ALDH1A1: variants seen among roughly 807,000 people sequenced by gnomAD.
ALDH1A1 encodes aldehyde dehydrogenase 1 family member A1.
ALDH1A1 carries 19 observed loss-of-function variants against 62.1 expected under a neutral mutation model. That is an observed-to-expected ratio of 0.31 (90% CI 0.21 to 0.45). The LOEUF (loss-of-function observed/expected upper bound fraction) is 0.45, where lower values mean the gene tolerates loss of function less well. Among genes scored for constraint, ALDH1A1 ranks in the 20% least tolerant of loss-of-function variants. The probability of loss-of-function intolerance (pLI) is 1.00; values close to 1 mark genes in which losing one functional copy is unlikely to be tolerated. For missense variants in ALDH1A1, 521 were observed against 607.1 expected (o/e 0.86, Z 1.49); for synonymous variants, 231 against 215.9 (o/e 1.07, Z -0.61).
intron 11 of ALDH1A1, among the ~76,000 whole-genome samples, chr9:72,908,955 C>A (rs348474): frequency 1.3e-5 from 2 of 152,144 alleles, no homozygotes; most frequent in East Asian, 1.9e-4. Flanking sequence ...ATAAGAATAT[C>A]TGCATACACA....
In ALDH1A1 at chr9:72,928,986, G is replaced by A. The variant is rs770673688; in HGVS notation, c.348C>T (p.Ser116=). The change falls in exon 4 of 13, where the codon TCC becomes TCT. Residue 116 remains serine, a synonymous_variant. Coordinates refer to ENST00000297785, the MANE Select transcript of ALDH1A1 (RefSeq NM_000689.5). ...CTGCTAAATCATTCAGATATGCATT[G>A]GAATAGAGTTTTCCACCATTCATTG... ...MESMNGGKLY[S]NAYLNDLAGC... 6.2e-7 allele frequency: 1 copy of A among 1,613,750 alleles called. No individual in the cohort carries two copies. Among genetic ancestry groups the A allele is most frequent in the Non-Finnish European group, 8.5e-7 (1 of 1,179,834 alleles).
intron 2 of ALDH1A1, among the ~76,000 whole-genome samples, chr9:72,936,595 T>C (rs1480004171): frequency 6.7e-6 from 1 of 149,182 alleles, no homozygotes; most frequent in Non-Finnish European, 1.5e-5. Context: ...CTGAAGTCTC[T>C]GATAAAAGGC....
intron 1 of ALDH1A1, among the ~76,000 whole-genome samples, chr9:72,943,304 G>T (rs1015497997): frequency 5.9e-5 from 9 of 152,096 alleles, no homozygotes; most frequent in African/African-American, 2.2e-4. Flanking sequence ...GTGGTTTCAA[G>T]TTCTCAATAA....
intron 9 of ALDH1A1, among the ~76,000 whole-genome samples, chr9:72,912,988 T>C (rs1237638003): frequency 6.6e-6 from 1 of 152,096 alleles, no homozygotes; most frequent in Admixed American, 6.6e-5. Flanking sequence ...GGGCTGCCTA[T>C]CTCAGGTGTA....
intron 3 of ALDH1A1, among the ~76,000 whole-genome samples, chr9:72,929,397 G>C (rs187073448): frequency 1.3e-5 from 2 of 152,094 alleles, no homozygotes; most frequent in East Asian, 3.9e-4. Context: ...ATCAACTGTG[G>C]GTGACAACTT....
chr9:72,929,507 G>T (rs752984062), intron 3 of ALDH1A1, among the ~76,000 whole-genome samples: 20 of 152,234 alleles, frequency 1.3e-4, no homozygotes, highest in Non-Finnish European at 2.5e-4. Context: ...GTAATGCCTG[G>T]ATTTTTCATC....
chr9:72,940,226 A>T lies in ALDH1A1; in HGVS notation c.93T>A (p.Asp31Glu), dbSNP rs1394391623. The part of the protein sequence containing the change: ...TKIFINNEWH[D>E]SVSGKKFPVF... ...CAGGAAATTTCTTGCCACTCACTGA[A>T]TCATGCCATTCATTGTTTATGAAGA... Residue 31 changes from aspartate to glutamate, a missense_variant, in exon 2 of 13, where the codon GAT becomes GAA. Physicochemically the swap from Asp to Glu is conservative, Grantham distance 45. Coordinates refer to ENST00000297785, the MANE Select transcript of ALDH1A1 (RefSeq NM_000689.5). 1 of 1,613,516 alleles carries T rather than the reference A, an allele frequency of 6.2e-7. No homozygotes were observed. The highest frequency in any genetic ancestry group is 8.5e-7 in the Non-Finnish European group (1 of 1,179,664).
intron 9 of ALDH1A1, among the ~76,000 whole-genome samples, chr9:72,913,104 G>C (rs1830012316): frequency 6.6e-6 from 1 of 152,046 alleles, no homozygotes; most frequent in Non-Finnish European, 1.5e-5. Context: ...AAAGTTTTAT[G>C]TTTCACTTTC....
At chr9:72,916,468 C>T (rs757841382) in intron 9 of ALDH1A1, among the ~76,000 whole-genome samples, 11 of 152,150 alleles carry the variant, frequency 7.2e-5, no homozygotes, top group Middle Eastern at 3.4e-3. Context: ...CCCCATGCTA[C>T]GATTAGGGGG....
intron 2 of ALDH1A1, among the ~76,000 whole-genome samples, chr9:72,939,719 T>C (rs943505325): frequency 3.9e-5 from 6 of 152,032 alleles, no homozygotes; most frequent in African/African-American, 1.4e-4. Flanking sequence ...TGTTTCCCCA[T>C]GTTGGCCAGG....
intron 1 of ALDH1A1, among the ~76,000 whole-genome samples, chr9:72,949,678 T>A (rs1490573186): frequency 6.6e-6 from 1 of 151,444 alleles, no homozygotes; most frequent in Non-Finnish European, 1.5e-5. Flanking sequence ...TGTGTGTGTG[T>A]GTGTGTATGT....
chr9:72,904,069 A>G (rs1465504410), intron 12 of ALDH1A1, among the ~76,000 whole-genome samples: 1 of 152,104 alleles, frequency 6.6e-6, no homozygotes, highest in African/African-American at 2.4e-5. Flanking sequence ...TAACTCCCAC[A>G]AGAACTCTCA....
chr9:72,903,870 C>G (rs1252682817), intron 12 of ALDH1A1, among the ~76,000 whole-genome samples: 1 of 152,000 alleles, frequency 6.6e-6, no homozygotes, highest in African/African-American at 2.4e-5. Context: ...ATAACCAGGC[C>G]AGAAACGAAC....
intron 2 of ALDH1A1, among the ~76,000 whole-genome samples, chr9:72,936,171 C>G (rs113227945): frequency 2.6e-5 from 4 of 152,242 alleles, no homozygotes; most frequent in African/African-American, 7.2e-5. Flanking sequence ...TCAAGAAGCA[C>G]AGAGCAAATC....
At position 72,906,116 on chromosome 9, in the gene ALDH1A1, G is replaced by T. The variant is rs1297909448; in HGVS notation, c.1359-84C>A. On this transcript the variant is annotated intron_variant, in intron 11 of 12. Transcript: ENST00000297785. ...TTTGGCAGTTTTAGAAATTTGGAAA[G>T]CTCCTTACAAACTCCATTAATTTCA... 15 of 967,614 alleles carry T rather than the reference G, an allele frequency of 1.6e-5. 1 individual carries two copies. Among genetic ancestry groups the T allele is most frequent in the Non-Finnish European group, 2.2e-5 (14 of 641,482 alleles). The allele number at this position is 967,614 out of a possible 1,614,324, so 59.9% of individuals were successfully genotyped here.
chr9:72,914,599 T>C (rs1830036989), intron 9 of ALDH1A1, among the ~76,000 whole-genome samples: 1 of 152,164 alleles, frequency 6.6e-6, no homozygotes, highest in Non-Finnish European at 1.5e-5. Flanking sequence ...TATCACAATT[T>C]CTGTTTCAAA....
chr9:72,942,840 T>G (rs937003115), intron 1 of ALDH1A1, among the ~76,000 whole-genome samples: 1 of 152,138 alleles, frequency 6.6e-6, no homozygotes, highest in African/African-American at 2.4e-5. Flanking sequence ...CTCATGAAGA[T>G]TTGACTAGTT....
At chr9:72,928,795 G>T in intron 4 of ALDH1A1, 97 bp downstream of exon 4, 1 of 1,330,550 alleles carries the variant, frequency 7.5e-7, no homozygotes. Flanking sequence ...GCCTTATTTG[G>T]TTGACATCTT....
chr9:72,913,814 C>A (rs1161338388), intron 9 of ALDH1A1, among the ~76,000 whole-genome samples: 4 of 152,200 alleles, frequency 2.6e-5, no homozygotes, highest in African/African-American at 9.6e-5. Context: ...GCTTCTTTGA[C>A]CCCACCTCAG....
Sources: allele counts gnomAD v4.1 joint callset (sites outside exome capture counted in the v4.1 genomes callset), GRCh38; gene constraint gnomAD v4.1.1; transcripts MANE v1.5; gene names NCBI Gene and HGNC (gene_info 2026-07-23, HGNC 2026-07-21).